RP1: variants seen among roughly 807,000 people sequenced by gnomAD.
RP1 encodes oxygen-regulated protein 1.
In RP1, 16 loss-of-function variants were observed where a neutral mutation model predicts 14.8. The observed-to-expected ratio is 1.08, with a 90% confidence interval of 0.73 to 1.65. The LOEUF (loss-of-function observed/expected upper bound fraction) is 1.65, where lower values mean the gene tolerates loss of function less well. Among genes scored for constraint, RP1 ranks in the 40% most tolerant of loss-of-function variants. The pLI, the probability that RP1 is intolerant of heterozygous loss-of-function variation, is 0.00. For synonymous variants in RP1, 876 were observed against 883.6 expected, an observed-to-expected ratio of 0.99 and a Z score of 0.15; for missense variants, 2,631 against 2,535.0, an observed-to-expected ratio of 1.04 and a Z score of -0.81.
At chr8:54,612,011 C>T (rs1805610183), upstream of RP1, among the ~76,000 whole-genome samples, 1 of 151,542 alleles carries the variant, frequency 6.6e-6, no homozygotes, top group Non-Finnish European at 1.5e-5. Context: ...CAGGTCTTTT[C>T]TGAGTCTATG....
At chr8:54,617,666 A>C (rs373894761) in intron 1 of RP1, among the ~76,000 whole-genome samples, 8 of 151,700 alleles carry the variant, frequency 5.3e-5, no homozygotes, top group East Asian at 1.9e-4. Flanking sequence ...CTCTCTTCTC[A>C]CTCCTACCCC....
At chr8:54,812,759 TATC>T (rs1811033736) in intron 24 of RP1, among the ~76,000 whole-genome samples, 8 of 142,008 alleles carry the variant, frequency 5.6e-5, no homozygotes, top group Admixed American at 5.2e-4. Flanking sequence ...TGTATCTATC[TATC>T]ATCTATCTAT....
chr8:54,869,729 A>C, intron 28 of RP1: 2 of 406,190 alleles, frequency 4.9e-6, no homozygotes, highest in Non-Finnish European at 8.5e-6. Context: ...TAAAATTCTG[A>C]TCTCTCTAAA....
In RP1 at chr8:54,626,991, A is replaced by G. The variant is rs1305074988; in HGVS notation, c.3109A>G (p.Lys1037Glu). 6.2e-7 allele frequency: 1 copy of G among 1,613,922 alleles called. No individual in the cohort carries two copies. Among genetic ancestry groups the G allele is most frequent in the Non-Finnish European group, 8.5e-7 (1 of 1,179,976 alleles). ...SQSAINDHNTKSHIAAEKSGP... is the reference protein window; with the variant it reads ...SQSAINDHNTESHIAAEKSGP... ...GTCAGCTATTAATGATCATAATACT[A>G]AAAGTCATATAGCTGCTGAAAAATC... Residue 1037 changes from lysine to glutamate, a missense_variant, in exon 4 of 4, where the codon AAA (lysine) becomes GAA (glutamate). Lys to Glu is a moderately conservative substitution (Grantham distance 56). Transcript: ENST00000220676.
chr8:54,745,683 T>C (rs1421523155), intron 19 of RP1, among the ~76,000 whole-genome samples: 1 of 152,086 alleles, frequency 6.6e-6, no homozygotes, highest in Non-Finnish European at 1.5e-5. Flanking sequence ...TTTTCCTTTT[T>C]TTTTTTTTCC....
At chr8:54,865,635 T>C (rs1812440526) in intron 27 of RP1, among the ~76,000 whole-genome samples, 1 of 152,004 alleles carries the variant, frequency 6.6e-6, no homozygotes, top group African/African-American at 2.4e-5. Flanking sequence ...TCTTCTCTTG[T>C]CCTCTGCTTC....
chr8:54,661,289 A>AAATGATATATATGATATATC (rs1806889667), intron 6 of RP1, among the ~76,000 whole-genome samples: 1 of 132,664 alleles, frequency 7.5e-6, no homozygotes, highest in African/African-American at 2.8e-5. Context: ...TATGATATAT[A>AAATGATATATATGATATATC]AATGATATAT....
chr8:54,751,513 C>T (rs186967722), intron 19 of RP1, among the ~76,000 whole-genome samples: 19 of 152,288 alleles, frequency 1.2e-4, no homozygotes, highest in Admixed American at 4.6e-4. Flanking sequence ...GTAAAATAAA[C>T]TTTCTTACTT....
rs1246450714 is a variant in RP1, at chr8:54,679,575, G to T, written c.1556-21G>T. ...AAGCATGACACTTCTGAAATTAATT[G>T]CCCTCTCTTTATCTTCTCAGGGCAG... On this transcript the variant is annotated intron_variant, in intron 10 of 22. Coordinates refer to the RP1 transcript ENST00000636932. 1.4e-5 allele frequency: 21 copies of T among 1,535,720 alleles called. 1 individual carries two copies. The highest frequency in any genetic ancestry group is 2.4e-5 in the East Asian group (1 of 40,898).
intron 19 of RP1, among the ~76,000 whole-genome samples, chr8:54,748,753 G>T (rs919723548): frequency 6.6e-6 from 1 of 152,134 alleles, no homozygotes; most frequent in African/African-American, 2.4e-5. Flanking sequence ...CTATAAATAC[G>T]TTGTGTCCAA....
rs1342561314 is a variant in RP1, at chr8:54,701,509, GC to G, written c.1846del (p.Leu616CysfsTer31). The G allele has an allele frequency of 6.5e-7, 1 of 1,534,362 alleles. No homozygotes were observed. The highest frequency in any genetic ancestry group is 8.7e-7 in the Non-Finnish European group (1 of 1,146,170). Reference sequence around the variant, plus strand: ...AGGTTAGTGGTGAAGCCACCACTGAGCTGCGGGTGCTTTATCAGCCTAACCG... The same window carrying G: ...AGGTTAGTGGTGAAGCCACCACTGAGTGCGGGTGCTTTATCAGCCTAACCG... On this transcript the variant is annotated frameshift_variant, in exon 14 of 23. Coordinates refer to the RP1 transcript ENST00000636932. LOFTEE classifies it high-confidence loss of function.
intron 25 of RP1, among the ~76,000 whole-genome samples, chr8:54,842,278 G>A (rs1811805722): frequency 6.6e-6 from 1 of 152,176 alleles, no homozygotes. Flanking sequence ...CGGGGCAAGT[G>A]GCCAGGTTTT....
At chr8:54,611,272 T>C (rs1276607031), upstream of RP1, among the ~76,000 whole-genome samples, 2 of 152,212 alleles carry the variant, frequency 1.3e-5, no homozygotes, top group African/African-American at 2.4e-5. Context: ...CATTTTTTCT[T>C]CAAATATCTC....
At position 54,662,271 on chromosome 8, in the gene RP1, T is replaced by G. The variant is rs562043559; in HGVS notation, c.1172-1428T>G. Among the ~76,000 whole-genome samples the G allele has an allele frequency of 2.6e-5, 4 of 152,338 alleles. No homozygotes were observed. In the South Asian group the frequency reaches 8.3e-4, roughly 32 times the overall value. Reference sequence around the variant, plus strand: ...TTTGTTTTAGTATATAGTTGACTACTGGTTAATTTCAGGTTATAAATCCTA... The same window carrying G: ...TTTGTTTTAGTATATAGTTGACTACGGGTTAATTTCAGGTTATAAATCCTA... On this transcript the variant is annotated intron_variant, in intron 6 of 22. Coordinates refer to the RP1 transcript ENST00000636932.
At position 54,624,696 on chromosome 8, in the gene RP1, A is replaced by G; in HGVS notation, c.814A>G (p.Arg272Gly). The G allele has an allele frequency of 6.2e-7, 1 of 1,613,958 alleles. No individual in the cohort carries two copies. The highest frequency in any genetic ancestry group is 8.5e-7 in the Non-Finnish European group (1 of 1,179,958). The change falls in exon 4 of 4, where the codon AGG (arginine) becomes GGG (glycine). Residue 272 changes from arginine to glycine, a missense_variant. Physicochemically the swap from Arg to Gly is moderately radical, Grantham distance 125. Transcript: ENST00000220676. Reference sequence around the variant, plus strand: ...AAGCACACATATGTCTTCAAGCTCAAGGTCCCAGATTTATTCTGTTTCTTC... The same window carrying G: ...AAGCACACATATGTCTTCAAGCTCAGGGTCCCAGATTTATTCTGTTTCTTC... ...KISTHMSSSS[R>G]SQIYSVSSEK...
In RP1 at chr8:54,623,152, T is replaced by A. The variant is rs151047277; in HGVS notation, c.787+864T>A. ...CATGGATATATTCAATAGATAATTA[T>A]TAATGCTTCTATTTTGTAAGCATTA... On this transcript the variant is annotated intron_variant, in intron 3 of 3. Coordinates refer to ENST00000220676, the MANE Select transcript of RP1 (RefSeq NM_006269.2). Among the ~76,000 whole-genome samples the A allele has an allele frequency of 3.3e-5, 5 of 152,346 alleles. No individual in the cohort carries two copies. The East Asian group carries it at 9.6e-4, about 29-fold the overall frequency.
rs1807235091 is a variant in RP1 at position 54,673,848 on chromosome 8, A to G, written c.1324-2A>G. The stretch of plus-strand genomic sequence containing the variant: ...CTAATTATACTTTTTGATTCGTTAT[A>G]GACTGACACCTTTTTCCTGGAGGCT... On this transcript the variant is annotated splice_acceptor_variant, in intron 7 of 22. Transcript: ENST00000636932. LOFTEE classifies it high-confidence loss of function. 1.3e-6 allele frequency: 2 copies of G among 1,535,258 alleles called. No homozygotes were observed. The highest frequency in any genetic ancestry group is 1.7e-6 in the Non-Finnish European group (2 of 1,146,164).
At chr8:54,697,283 G>T (rs1807891297) in intron 12 of RP1, among the ~76,000 whole-genome samples, 1 of 152,184 alleles carries the variant, frequency 6.6e-6, no homozygotes, top group Admixed American at 6.5e-5. Flanking sequence ...GGCCGGGCGT[G>T]ATGGCTCATG....
intron 12 of RP1, among the ~76,000 whole-genome samples, chr8:54,691,221 G>A (rs1807702131): frequency 1.3e-5 from 2 of 152,014 alleles, no homozygotes; most frequent in African/African-American, 4.8e-5. Context: ...AGGACTTTGA[G>A]TACTTCAGTG....
Sources: gnomAD v4.1 joint callset for allele counts (sites outside exome capture counted in the v4.1 genomes callset) on GRCh38, gnomAD v4.1.1 for gene constraint, MANE v1.5 for transcripts, NCBI Gene and HGNC (gene_info 2026-07-23, HGNC 2026-07-21) for gene names.